The following SMTN variants were observed in gnomAD, a reference collection of about 807,000 sequenced individuals.
SMTN encodes smoothelin.
In SMTN, 58 loss-of-function variants were observed where a neutral mutation model predicts 102.0. The observed-to-expected ratio is 0.57, with a 90% CI of 0.46 to 0.71. SMTN has a LOEUF of 0.71. SMTN is among the 30% of genes least tolerant of loss of function. The pLI is 0.00. For missense variants in SMTN, 1,185 were observed against 1,241.7 expected, an observed-to-expected ratio of 0.95 and a Z score of 0.69; for synonymous variants, 478 against 497.9, an observed-to-expected ratio of 0.96 and a Z score of 0.53.
chr22:31,078,593 C>T (rs759374598), upstream of SMTN, among the ~76,000 whole-genome samples: 6 of 152,248 alleles, frequency 3.9e-5, no homozygotes, highest in East Asian at 1.9e-4. Flanking sequence ...GCAAAGAGAA[C>T]CACCCACATT....
Position 31,082,971 on chromosome 22 carries a change from G to C in SMTN, c.-80-208G>C, listed in dbSNP as rs557722106. 2.0e-6 allele frequency: 3 copies of C among 1,468,142 alleles called. No individual in the cohort carries two copies. In the African/African-American group the frequency reaches 4.2e-5, roughly 21 times the overall value. 90.9% of individuals were successfully genotyped at this position (1,468,142 alleles called of 1,614,324 possible). A position where few individuals can be genotyped will look rare whatever the true frequency, so the allele number is the denominator to read the frequency against. On this transcript the variant is annotated intron_variant, in intron 1 of 20. Coordinates refer to ENST00000333137, the MANE Select transcript of SMTN (RefSeq NM_134269.3). ...GCAGACTGGCGGCCAAGCTGGCAGG[G>C]CTGGAACCAGAGACCCCCTACCCTG...
intron 1 of SMTN, among the ~76,000 whole-genome samples, chr22:31,073,011 CTTTTTTTTTTT>C (rs59040826): frequency 5.8e-5 from 5 of 85,684 alleles, no homozygotes; most frequent in Admixed American, 1.3e-4. Context: ...CTCTCTCTCT[CTTTTTTTTTTT>C]TTTTTTTTTT....
intron 1 of SMTN, chr22:31,082,961 A>C: frequency 2.0e-6 from 3 of 1,491,916 alleles, no homozygotes; most frequent in Non-Finnish European, 2.7e-6. Context: ...CTGGCGGCCA[A>C]GCTGGCAGGG....
At chr22:31,085,323 G>C in intron 2 of SMTN, 1 of 1,472,184 alleles carries the variant, frequency 6.8e-7, no homozygotes, top group Non-Finnish European at 9.0e-7. Flanking sequence ...CCCTGCGAGG[G>C]AGGGCGGTCG....
rs542390636 is a variant in SMTN, at chr22:31,089,941, C to G, written c.714C>G (p.Pro238=). ...TTCCAGGCAGCCCAGAGCCACCCCC[C>G]AGCCCACCCAAGACCACCAGCCCTG... The part of the protein sequence containing the change: ...AEVPGSPEPP[P]SPPKTTSPEP... Residue 238 remains proline, a synonymous_variant, in exon 7 of 21, where the codon CCC becomes CCG. Coordinates refer to ENST00000333137, the MANE Select transcript of SMTN (RefSeq NM_134269.3). 6.2e-7 allele frequency: 1 copy of G among 1,601,384 alleles called. No homozygotes were observed. The highest frequency in any genetic ancestry group is 1.1e-5 in the South Asian group (1 of 89,558).
chr22:31,084,099 C>A (rs1569240872), intron 2 of SMTN, among the ~76,000 whole-genome samples: 1 of 152,164 alleles, frequency 6.6e-6, no homozygotes, highest in Non-Finnish European at 1.5e-5. Flanking sequence ...GAAAGATGAG[C>A]CCACTCCATC....
At chr22:31,101,911 G>A (rs2044126712) in intron 20 of SMTN, 1 of 152,082 alleles carries the variant, frequency 6.6e-6, no homozygotes, top group African/African-American at 2.4e-5. Flanking sequence ...GCTTGGATGA[G>A]AGATGGGATG....
At chr22:31,084,668 A>C (rs980951208) in intron 2 of SMTN, among the ~76,000 whole-genome samples, 2 of 152,234 alleles carry the variant, frequency 1.3e-5, no homozygotes, top group Non-Finnish European at 2.9e-5. Flanking sequence ...AGGCAGGCTC[A>C]GGGTTCTTCA....
rs762999798 is a variant in SMTN, at chr22:31,099,715, G to T, written c.2452-30G>T. The T allele has an allele frequency of 1.9e-6, 3 of 1,608,108 alleles. No homozygotes were observed. In the East Asian group the frequency reaches 6.7e-5, roughly 36 times the overall value. On this transcript the variant is annotated intron_variant, in intron 18 of 20. Coordinates refer to ENST00000333137, the MANE Select transcript of SMTN (RefSeq NM_134269.3). Reference sequence around the variant, plus strand: ...GACAGCAGGGGGGAGTTGCCCCCAGGTTCCTGACCAGTCCTCCTACGGCTT... The same window carrying T: ...GACAGCAGGGGGGAGTTGCCCCCAGTTTCCTGACCAGTCCTCCTACGGCTT...
chr22:31,082,803 G>T, intron 1 of SMTN: 1 of 1,458,238 alleles, frequency 6.9e-7, no homozygotes, highest in East Asian at 2.5e-5. Context: ...GGTGGGTGGG[G>T]CAGGAAACTG....
chr22:31,098,662 C>G lies in SMTN; in HGVS notation c.2160-5C>G, dbSNP rs546925063. 6 of 1,613,068 alleles carry G rather than the reference C, an allele frequency of 3.7e-6. No individual in the cohort carries two copies. Among genetic ancestry groups the G allele is most frequent in the Admixed American group, 1.7e-5 (1 of 59,964 alleles). ...CTGCCTAACATGCGCCTCCCCAACC[C>G]CTAGCATCTTCGACCGCGAGGACCA... On this transcript the variant is annotated splice_polypyrimidine_tract_variant and splice_region_variant and intron_variant, in intron 16 of 20. Transcript: ENST00000333137.
At position 31,104,481 on chromosome 22, in the gene SMTN, T is replaced by A. The variant is rs1235108819; in HGVS notation, c.*186T>A. 1.2e-6 allele frequency: 2 copies of A among 1,610,004 alleles called. No homozygotes were observed. The highest frequency in any genetic ancestry group is 1.7e-6 in the Non-Finnish European group (2 of 1,179,476). On this transcript the variant is annotated 3_prime_UTR_variant, in exon 21 of 21. Transcript: ENST00000333137. ...AGAATGTCTAGCCTGCCCGCCCGCA[T>A]GGCCAGCCAGTGGCAAGCTGCCGCC...
At position 31,104,579 on chromosome 22, in the gene SMTN, C is replaced by A; in HGVS notation, c.*284C>A. The stretch of plus-strand genomic sequence containing the variant: ...CCCTGTCTGTTGCGACACCCTCCCC[C>A]CCACATACACACGCAGCGTTTTGAT... On this transcript the variant is annotated 3_prime_UTR_variant, in exon 21 of 21. Coordinates refer to ENST00000333137, the MANE Select transcript of SMTN (RefSeq NM_134269.3). The A allele has an allele frequency of 2.0e-6, 2 of 1,016,190 alleles. No homozygotes were observed. Among genetic ancestry groups the A allele is most frequent in the Middle Eastern group, 2.5e-4 (1 of 4,054 alleles). The allele number at this position is 1,016,190 out of a possible 1,614,324, so 62.9% of individuals were successfully genotyped here.
Position 31,090,984 on chromosome 22 carries a change from C to T in SMTN, c.961C>T (p.Pro321Ser), listed in dbSNP as rs2043088368. 2 of 1,613,548 alleles carry T rather than the reference C, an allele frequency of 1.2e-6. No individual in the cohort carries two copies. Among genetic ancestry groups the T allele is most frequent in the Non-Finnish European group, 1.7e-6 (2 of 1,179,638 alleles). ...NRESTPLASG[P>S]SSFQRAGSVR... is the part of the protein sequence containing the mutation. ...AGAGTCCACCCCCCTTGCCAGCGGACCTTCCTCATTCCAGCGGGCTGGCTC... is the reference window on the plus strand; with the variant it reads ...AGAGTCCACCCCCCTTGCCAGCGGATCTTCCTCATTCCAGCGGGCTGGCTC... Residue 321 changes from proline to serine, a missense_variant, in exon 10 of 21, where the codon CCT becomes TCT. Transcript: ENST00000333137.
chr22:31,099,616 C>T (rs950047240), intron 18 of SMTN, 129 bp from the exon 19 acceptor site: 5 of 937,056 alleles, frequency 5.3e-6, no homozygotes, highest in Non-Finnish European at 7.9e-6. Flanking sequence ...TCCAACTATT[C>T]ACTCATTGTG....
chr22:31,078,837 G>A (rs980801677), upstream of SMTN, among the ~76,000 whole-genome samples: 1 of 151,482 alleles, frequency 6.6e-6, no homozygotes, highest in Non-Finnish European at 1.5e-5. Flanking sequence ...GTGATCATGC[G>A]ACTGCACTCC....
chr22:31,084,248 TCTC>T (rs2042509128), intron 2 of SMTN, among the ~76,000 whole-genome samples: 1 of 152,198 alleles, frequency 6.6e-6, no homozygotes, highest in Non-Finnish European at 1.5e-5. Context: ...AGGAGCTCCA[TCTC>T]CTCAGTCCCT....
rs145302881 is a variant in SMTN, at chr22:31,103,958, T to C, written c.*21-358T>C. 340 of 269,536 alleles carry C rather than the reference T, an allele frequency of 1.3e-3. 7 individuals carry two copies. In the South Asian group the frequency reaches 0.019, roughly 15 times the overall value. 16.7% of individuals were successfully genotyped at this position (269,536 alleles called of 1,614,324 possible). ...GCCGAGCTGAGAGGCTTCTACCAAC[T>C]GGAGTGTGCCAGTGAGGGTGAGCAG... On this transcript the variant is annotated intron_variant, in intron 20 of 20. Coordinates refer to ENST00000333137, the MANE Select transcript of SMTN (RefSeq NM_134269.3).
In SMTN at chr22:31,082,766, G is replaced by A. The variant is rs1370977197; in HGVS notation, c.-80-413G>A. The A allele has an allele frequency of 2.5e-6, 3 of 1,182,414 alleles. No individual in the cohort carries two copies. In the East Asian group the frequency reaches 7.7e-5, roughly 31 times the overall value. 73.2% of individuals were successfully genotyped at this position (1,182,414 alleles called of 1,614,324 possible). On this transcript the variant is annotated intron_variant, in intron 1 of 20. Coordinates refer to ENST00000333137, the MANE Select transcript of SMTN (RefSeq NM_134269.3). ...GCCAGAAGCTGAGCCTGCGGAGTGGGTGGGGGCTGGGTAGGCCCTGTGGAT... is the reference window on the plus strand; with the variant it reads ...GCCAGAAGCTGAGCCTGCGGAGTGGATGGGGGCTGGGTAGGCCCTGTGGAT...
Sources: gnomAD v4.1 joint callset for allele counts (sites outside exome capture counted in the v4.1 genomes callset) on GRCh38, gnomAD v4.1.1 for gene constraint, MANE v1.5 for transcripts, NCBI Gene and HGNC (gene_info 2026-07-23, HGNC 2026-07-21) for gene names.